The following MPP4 variants were observed in gnomAD, a reference collection of about 807,000 sequenced individuals.
MPP4 encodes MAGUK p55 subfamily member 4.
MPP4 carries 91 observed loss-of-function variants against 98.3 expected under a neutral mutation model. The observed-to-expected ratio is 0.93, with a 90% CI of 0.78 to 1.10. The LOEUF (loss-of-function observed/expected upper bound fraction) is 1.10, where lower values mean the gene tolerates loss of function less well. Ranked by LOEUF, MPP4 falls within the 50% of genes least tolerant of loss-of-function variation. The pLI, the probability that MPP4 is intolerant of heterozygous loss-of-function variation, is 0.00. For synonymous variants in MPP4, 261 were observed against 271.8 expected (o/e 0.96, Z 0.39); for missense variants, 744 against 792.9 (o/e 0.94, Z 0.74).
At chr2:201,678,600 T>C (rs966422468) in intron 10 of MPP4, among the ~76,000 whole-genome samples, 1 of 152,090 alleles carries the variant, frequency 6.6e-6, no homozygotes, top group East Asian at 1.9e-4. Flanking sequence ...GTGTTGATGC[T>C]CTCACGGTGG....
At chr2:201,668,477 C>CTCTTCTCTTCCTCT (rs1553493949) in intron 12 of MPP4, among the ~76,000 whole-genome samples, 2 of 146,830 alleles carry the variant, frequency 1.4e-5, no homozygotes, top group African/African-American at 2.5e-5. Context: ...CTCTTCTCTT[C>CTCTTCTCTTCCTCT]CTCTCTCTCT....
chr2:201,663,157 A>G (rs1688073196), intron 14 of MPP4, among the ~76,000 whole-genome samples: 1 of 152,242 alleles, frequency 6.6e-6, no homozygotes, highest in Non-Finnish European at 1.5e-5. Context: ...TGTCTTCTAA[A>G]CCACTGTGCT....
At chr2:201,665,745 G>A (rs1228200831) in intron 13 of MPP4, 1 of 152,128 alleles carries the variant, frequency 6.6e-6, no homozygotes, top group African/African-American at 2.4e-5. Flanking sequence ...AGCAAAGACA[G>A]ATTCACCTGT....
chr2:201,694,667 G>A (rs1689132194), intron 1 of MPP4, among the ~76,000 whole-genome samples: 2 of 116,420 alleles, frequency 1.7e-5, no homozygotes, highest in African/African-American at 6.7e-5. Context: ...TTAGGCTGAA[G>A]TGTGGTGGCA....
chr2:201,680,516 A>C, intron 10 of MPP4: 1 of 221,342 alleles, frequency 4.5e-6, no homozygotes, highest in Non-Finnish European at 9.1e-6. Context: ...CCGCCTCTTA[A>C]TACTATTGCA....
chr2:201,691,278 A>G (rs533391693), intron 3 of MPP4, among the ~76,000 whole-genome samples: 8 of 152,234 alleles, frequency 5.3e-5, no homozygotes, highest in Non-Finnish European at 7.3e-5. Context: ...CTTTTATTGT[A>G]TAATATTAAC....
At chr2:201,647,465 G>T (rs1227986579) in intron 21 of MPP4, among the ~76,000 whole-genome samples, 2 of 152,078 alleles carry the variant, frequency 1.3e-5, no homozygotes, top group African/African-American at 4.8e-5. Context: ...TTATCCATTA[G>T]AAACAAAAAT....
chr2:201,676,667 A>G (rs887793547), intron 10 of MPP4, among the ~76,000 whole-genome samples: 1 of 152,220 alleles, frequency 6.6e-6, no homozygotes, highest in Admixed American at 6.5e-5. Flanking sequence ...TGGGAGGCCG[A>G]GGCAGGCAGA....
Position 201,657,590 on chromosome 2 carries a change from G to GTTTTTTTTTTTT in MPP4, c.1129+886_1129+887insAAAAAAAAAAAA, listed in dbSNP as rs929926346. 1.4e-3 allele frequency among the ~76,000 whole-genome samples: 132 copies of GTTTTTTTTTTTT among 91,056 alleles called. 21 individuals are homozygous for GTTTTTTTTTTTT. Among genetic ancestry groups the GTTTTTTTTTTTT allele is most frequent in the East Asian group, 5.0e-3 (13 of 2,590 alleles). 59.7% of individuals were successfully genotyped at this position (91,056 alleles called of 152,430 possible). On this transcript the variant is annotated intron_variant, in intron 16 of 21. Transcript: ENST00000409474. ...TCTAACAGTGAGAACCCTGGCCCTTGTTTTTTTTTTGTTTTTTTGTTTTTT... is the reference window on the plus strand; with the variant it reads ...TCTAACAGTGAGAACCCTGGCCCTTGTTTTTTTTTTTTTTTTTTTTTTGTTTTTTTGTTTTTT...
intron 15 of MPP4, among the ~76,000 whole-genome samples, chr2:201,658,921 C>T (rs538585894): frequency 3.3e-5 from 5 of 152,010 alleles, no homozygotes; most frequent in South Asian, 4.2e-4. Context: ...CCCTGCCTAC[C>T]CCCCTGCTGT....
intron 13 of MPP4, among the ~76,000 whole-genome samples, chr2:201,664,657 G>A (rs1488350131): frequency 1.3e-5 from 2 of 152,138 alleles, no homozygotes; most frequent in Non-Finnish European, 1.5e-5. Context: ...GAGAGATTAA[G>A]GATTAAGAAA....
Position 201,680,977 on chromosome 2 carries a change from T to A in MPP4, c.790A>T (p.Met264Leu). ...WPQEDPDIPCMDAGLPFQKGD... is the reference protein window; with the variant it reads ...WPQEDPDIPCLDAGLPFQKGD... ...TTCTGGAAAGGCAATCCAGCGTCCA[T>A]GCAGGGGATGTCGGGATCCTCCTGG... The change falls in exon 10 of 22, where the codon ATG (methionine) becomes TTG (leucine). Residue 264 changes from methionine (M) to leucine (L), a missense_variant. Met to Leu is a conservative substitution (Grantham distance 15). Coordinates refer to ENST00000409474, the MANE Select transcript of MPP4 (RefSeq NM_033066.3). 2 of 1,613,926 alleles carry A rather than the reference T, an allele frequency of 1.2e-6. No individual in the cohort carries two copies. The highest frequency in any genetic ancestry group is 1.7e-6 in the Non-Finnish European group (2 of 1,179,876).
chr2:201,682,221 C>T (rs1167036220), intron 8 of MPP4, among the ~76,000 whole-genome samples: 1 of 152,222 alleles, frequency 6.6e-6, no homozygotes, highest in Non-Finnish European at 1.5e-5. Context: ...TCTGTGATTT[C>T]TAGTACTTCA....
At position 201,645,018 on chromosome 2, in the gene MPP4, A is replaced by G; in HGVS notation, c.*192T>C. Reference sequence around the variant, plus strand: ...ACAGCTGCATATGAGGTAAAGGAAAAAAAATTAAGTTAAAATAGGTAACCA... The same window carrying G: ...ACAGCTGCATATGAGGTAAAGGAAAGAAAATTAAGTTAAAATAGGTAACCA... On this transcript the variant is annotated 3_prime_UTR_variant, in exon 22 of 22. Coordinates refer to ENST00000409474, the MANE Select transcript of MPP4 (RefSeq NM_033066.3). The G allele has an allele frequency of 2.4e-6, 1 of 422,658 alleles. No homozygotes were observed. The highest frequency in any genetic ancestry group is 4.0e-6 in the Non-Finnish European group (1 of 250,358). 26.2% of individuals were successfully genotyped at this position (422,658 alleles called of 1,614,324 possible).
chr2:201,667,434 T>G (rs1452179189), intron 12 of MPP4, among the ~76,000 whole-genome samples: 2 of 152,202 alleles, frequency 1.3e-5, no homozygotes, highest in Admixed American at 6.5e-5. Flanking sequence ...CATTCGGGGG[T>G]TTGCCTTCTT....
chr2:201,654,866 T>A lies in MPP4; in HGVS notation c.1352A>T (p.Asn451Ile). The change falls in exon 18 of 22, where the codon AAT becomes ATT. Residue 451 changes from asparagine to isoleucine, a missense_variant. Transcript: ENST00000409474. ...NELRRQLIEF[N>I]PSHFQSAVPH... ...CACAGCACTTTGAAAATGGCTGGGATTAAATTCAATAAGTTGTCTTCTGAG... is the reference window on the plus strand; with the variant it reads ...CACAGCACTTTGAAAATGGCTGGGAATAAATTCAATAAGTTGTCTTCTGAG... The A allele has an allele frequency of 2.5e-6, 4 of 1,605,216 alleles. No individual in the cohort carries two copies. Among genetic ancestry groups the A allele is most frequent in the Non-Finnish European group, 3.4e-6 (4 of 1,175,830 alleles).
At chr2:201,684,733 G>A (rs576552346) in intron 7 of MPP4, among the ~76,000 whole-genome samples, 66 of 152,144 alleles carry the variant, frequency 4.3e-4, no homozygotes, top group South Asian at 1.2e-3. Flanking sequence ...GGCGGATCAC[G>A]AGGTCGGGAG....
At chr2:201,692,355 C>T (rs1489674034) in intron 3 of MPP4, among the ~76,000 whole-genome samples, 1 of 152,014 alleles carries the variant, frequency 6.6e-6, no homozygotes, top group East Asian at 1.9e-4. Flanking sequence ...ACCAGCCTGG[C>T]CAACATGGTG....
At chr2:201,659,980 G>A (rs1299779246) in intron 15 of MPP4, among the ~76,000 whole-genome samples, 1 of 152,006 alleles carries the variant, frequency 6.6e-6, no homozygotes, top group Non-Finnish European at 1.5e-5. Flanking sequence ...CTTCTGGTAA[G>A]TAAGTATATT....
Sources: allele counts gnomAD v4.1 joint callset (sites outside exome capture counted in the v4.1 genomes callset), GRCh38; gene constraint gnomAD v4.1.1; transcripts MANE v1.5; gene names NCBI Gene and HGNC (gene_info 2026-07-23, HGNC 2026-07-21).